Variants in EIF2S1 observed in about 807,000 individuals in gnomAD.
EIF2S1 encodes eukaryotic translation initiation factor 2 subunit alpha.
A neutral mutation model predicts 33.5 loss-of-function variants in EIF2S1; 5 were observed. That is an observed-to-expected ratio of 0.15 (90% confidence interval 0.08 to 0.31). EIF2S1 has a LOEUF of 0.31. EIF2S1 is among the 10% of genes least tolerant of loss of function. EIF2S1 has a pLI of 1.00. For synonymous variants in EIF2S1, 99 were observed against 127.5 expected (o/e 0.78, Z 1.51); for missense variants, 191 against 384.6 (o/e 0.50, Z 4.21).
rs1476737022 is a variant in EIF2S1, at chr14:67,381,837, A to C, written c.678+147A>C. The C allele has an allele frequency of 1.2e-5, 7 of 560,950 alleles. No individual in the cohort carries two copies. The East Asian group carries it at 2.0e-4, about 16-fold the overall frequency. 34.7% of individuals were successfully genotyped at this position (560,950 alleles called of 1,614,324 possible). On this transcript the variant is annotated intron_variant, in intron 6 of 7. Transcript: ENST00000256383. ...TAAAATTGAGCAGTGGTTCTTGGTAATATTTCTAGATGTTTGTGATTTATG... is the reference window on the plus strand; with the variant it reads ...TAAAATTGAGCAGTGGTTCTTGGTACTATTTCTAGATGTTTGTGATTTATG...
rs1201275100 is a variant in EIF2S1, at chr14:67,383,461, A to G, written c.*21A>G. ...ATTAACTTTGTGGGAAACAGAGTCC[A>G]ATTTAAGGAACACAGAGCAGCGCTT... is the stretch of plus-strand genomic sequence containing the variant. On this transcript the variant is annotated 3_prime_UTR_variant, in exon 8 of 8. Transcript: ENST00000256383. 1.9e-6 allele frequency: 3 copies of G among 1,611,292 alleles called. No homozygotes were observed. The African/African-American group carries it at 4.0e-5, about 22-fold the overall frequency.
Position 67,374,526 on chromosome 14 carries a change from C to A in EIF2S1, c.300C>A (p.Asp100Glu). The stretch of plus-strand genomic sequence containing the variant: ...CAGAGGAAGCAATCAAATGTGAAGA[C>A]AAATTCACAAAATCCAAAACTGTAA... ...VSPEEAIKCE[D>E]KFTKSKTVYS... The change falls in exon 3 of 8, where the codon GAC becomes GAA. Residue 100 changes from aspartate to glutamate, a missense_variant. Asp to Glu is a conservative substitution (Grantham distance 45, BLOSUM62 2). Transcript: ENST00000256383. 1 of 1,606,224 alleles carries A rather than the reference C, an allele frequency of 6.2e-7. No individual in the cohort carries two copies. Among genetic ancestry groups the A allele is most frequent in the Non-Finnish European group, 8.5e-7 (1 of 1,175,070 alleles).
At chr14:67,377,479 T>A (rs1014975184) in intron 4 of EIF2S1, among the ~76,000 whole-genome samples, 3 of 152,218 alleles carry the variant, frequency 2.0e-5, no homozygotes, top group Admixed American at 6.5e-5. Context: ...CACTACCTAT[T>A]TTATTTTATA....
At chr14:67,380,109 T>A (rs1290169799) in intron 4 of EIF2S1, among the ~76,000 whole-genome samples, 1 of 152,206 alleles carries the variant, frequency 6.6e-6, no homozygotes, top group Non-Finnish European at 1.5e-5. Context: ...TTTACAGTGC[T>A]ACTCCTCTTT....
intron 3 of EIF2S1, among the ~76,000 whole-genome samples, chr14:67,375,750 AAACT>A (rs2085854448): frequency 6.6e-6 from 1 of 152,204 alleles, no homozygotes; most frequent in Admixed American, 6.5e-5. Flanking sequence ...TGTAGTCTCT[AAACT>A]AGCAGCATTG....
At chr14:67,365,625 T>G (rs2085770924) in intron 2 of EIF2S1, among the ~76,000 whole-genome samples, 1 of 152,218 alleles carries the variant, frequency 6.6e-6, no homozygotes, top group Non-Finnish European at 1.5e-5. Context: ...ATCATCACCT[T>G]TGTGAATACT....
intron 7 of EIF2S1, among the ~76,000 whole-genome samples, chr14:67,382,961 TAGTA>T (rs2139822107): frequency 6.6e-6 from 1 of 152,134 alleles, no homozygotes; most frequent in Admixed American, 6.5e-5. Context: ...ACTAGTAAGC[TAGTA>T]AGTAGTAGTT....
In EIF2S1 at chr14:67,383,408, G is replaced by A. The variant is rs1854750018; in HGVS notation, c.916G>A (p.Ala306Thr). 6.2e-7 allele frequency: 1 copy of A among 1,613,518 alleles called. No individual in the cohort carries two copies. Among genetic ancestry groups the A allele is most frequent in the African/African-American group, 1.3e-5 (1 of 74,924 alleles). The change falls in exon 8 of 8, where the codon GCA becomes ACA. Residue 306 changes from alanine (A) to threonine (T), a missense_variant. Physicochemically the swap from Ala to Thr is moderately conservative, Grantham distance 58 (BLOSUM62 0). Transcript: ENST00000256383. ...TGCCGAAGTGGATGGAGATGATGAT[G>A]CAGAAGAAATGGAAGCCAAAGCTGA... ...ENAEVDGDDDAEEMEAKAED is the reference protein window; with the variant it reads ...ENAEVDGDDDTEEMEAKAED
At position 67,380,744 on chromosome 14, in the gene EIF2S1, C is replaced by T; in HGVS notation, c.559C>T (p.Gln187Ter). The change falls in exon 5 of 8, where the codon CAG (glutamine) becomes TAG (stop). Residue 187 changes from glutamine to a stop codon, truncating the protein, a stop_gained. Transcript: ENST00000256383. LOFTEE classifies it high-confidence loss of function. ...INNINRRLTPQAVKIRADIEV... is the reference protein window; with the variant it reads ...INNINRRLTP The stretch of plus-strand genomic sequence containing the variant: ...TAATATTAATAGGCGCTTGACCCCA[C>T]AGGCTGTCAAAATTCGAGCAGGTAA... 1 of 1,546,910 alleles carries T rather than the reference C, an allele frequency of 6.5e-7. No individual in the cohort carries two copies. Among genetic ancestry groups the T allele is most frequent in the Non-Finnish European group, 8.7e-7 (1 of 1,149,714 alleles).
Position 67,382,570 on chromosome 14 carries a change from G to A in EIF2S1, c.802G>A (p.Val268Met). The change falls in exon 7 of 8, where the codon GTG becomes ATG. Residue 268 changes from valine (V) to methionine (M), a missense_variant. Physicochemically the swap from Val to Met is conservative, Grantham distance 21. Transcript: ENST00000256383. ...IKEKIEEKRG[V>M]FNVQMEPKVV... The stretch of plus-strand genomic sequence containing the variant: ...AGAGAAGATTGAGGAAAAGAGGGGT[G>A]TGTTCAATGTTCAAATGGAGGTGAG... 6.2e-7 allele frequency: 1 copy of A among 1,613,912 alleles called. No individual in the cohort carries two copies. The highest frequency in any genetic ancestry group is 8.5e-7 in the Non-Finnish European group (1 of 1,179,904).
Position 67,386,370 on chromosome 14 carries a change from G to T in EIF2S1, c.*2930G>T, listed in dbSNP as rs920739378. On this transcript the variant is annotated 3_prime_UTR_variant, in exon 8 of 8. Coordinates refer to ENST00000256383, the MANE Select transcript of EIF2S1 (RefSeq NM_004094.5). ...CAAATTTTTACTTAAGCACTTTGAGGTATCCACTCCCCTTAAATGTAAGTT... is the reference window on the plus strand; with the variant it reads ...CAAATTTTTACTTAAGCACTTTGAGTTATCCACTCCCCTTAAATGTAAGTT... The T allele has an allele frequency of 1.3e-5, 2 of 152,230 alleles. No individual in the cohort carries two copies. The highest frequency in any genetic ancestry group is 4.8e-5 in the African/African-American group (2 of 41,442). 9.4% of individuals were successfully genotyped at this position (152,230 alleles called of 1,614,324 possible).
At chr14:67,379,909 C>T (rs1280319654) in intron 4 of EIF2S1, among the ~76,000 whole-genome samples, 1 of 151,942 alleles carries the variant, frequency 6.6e-6, no homozygotes, top group Non-Finnish European at 1.5e-5. Context: ...CCGCCTCGGC[C>T]TCCCAAAGTG....
intron 2 of EIF2S1, among the ~76,000 whole-genome samples, chr14:67,367,062 A>G (rs1209453191): frequency 2.6e-5 from 4 of 152,280 alleles, no homozygotes; most frequent in East Asian, 3.9e-4. Context: ...CTAAGTCTAT[A>G]TAAATTCTTC....
At position 67,360,398 on chromosome 14, in the gene EIF2S1, C is replaced by A. The variant is rs191939477; in HGVS notation, c.-60C>A. 2 of 395,386 alleles carry A rather than the reference C, an allele frequency of 5.1e-6. No individual in the cohort carries two copies. Among genetic ancestry groups the A allele is most frequent in the Non-Finnish European group, 4.5e-6 (1 of 224,450 alleles). 24.5% of individuals were successfully genotyped at this position (395,386 alleles called of 1,614,324 possible). On this transcript the variant is annotated 5_prime_UTR_variant, in exon 1 of 8. Transcript: ENST00000256383. ...CCGGTGAGGGGGAAGCAAGTCTGGT[C>A]TCTGTGATTGAAGAAGTCGGCTCTG... is the stretch of plus-strand genomic sequence containing the variant.
chr14:67,375,112 C>G (rs1245953087), intron 3 of EIF2S1, among the ~76,000 whole-genome samples: 1 of 152,182 alleles, frequency 6.6e-6, no homozygotes, highest in Non-Finnish European at 1.5e-5. Context: ...GCTATTACTT[C>G]CTGCTTGTCA....
At chr14:67,382,200 C>T (rs1224526789) in intron 6 of EIF2S1, among the ~76,000 whole-genome samples, 1 of 151,910 alleles carries the variant, frequency 6.6e-6, no homozygotes, top group Non-Finnish European at 1.5e-5. Flanking sequence ...TCTTTCTATT[C>T]AGTATCGCAG....
At chr14:67,368,136 C>A (rs1202424667) in intron 2 of EIF2S1, among the ~76,000 whole-genome samples, 1 of 152,106 alleles carries the variant, frequency 6.6e-6, no homozygotes, top group Non-Finnish European at 1.5e-5. Context: ...TCAGGAGTCA[C>A]AAGGAACTAG....
rs1225005011 is a variant in EIF2S1, at chr14:67,385,981, T to G, written c.*2541T>G. 2 of 152,174 alleles carry G rather than the reference T, an allele frequency of 1.3e-5. No individual in the cohort carries two copies. Among genetic ancestry groups the G allele is most frequent in the Non-Finnish European group, 2.9e-5 (2 of 68,026 alleles). 9.4% of individuals were successfully genotyped at this position (152,174 alleles called of 1,614,324 possible). On this transcript the variant is annotated 3_prime_UTR_variant, in exon 8 of 8. Coordinates refer to ENST00000256383, the MANE Select transcript of EIF2S1 (RefSeq NM_004094.5). ...TTTTAAAAATACAAATGCCAGTACC[T>G]TGCCGAGACTTGTTCACTGATTTGC...
intron 4 of EIF2S1, 93 bp downstream of exon 4, chr14:67,376,683 C>T: frequency 7.4e-7 from 1 of 1,359,700 alleles, no homozygotes; most frequent in Admixed American, 2.1e-5. Flanking sequence ...AAATACTTGC[C>T]AAATTTAGAT....
Sources: allele counts gnomAD v4.1 joint callset (sites outside exome capture counted in the v4.1 genomes callset), GRCh38; gene constraint gnomAD v4.1.1; transcripts MANE v1.5; gene names NCBI Gene and HGNC (gene_info 2026-07-23, HGNC 2026-07-21).